ST8SIA6: variants seen among roughly 807,000 people sequenced by gnomAD.
ST8SIA6 encodes alpha-2,8-sialyltransferase 8F.
In ST8SIA6, 39 loss-of-function variants were observed where a neutral mutation model predicts 33.6. That is an observed-to-expected ratio of 1.16 (90% CI 0.90 to 1.52). ST8SIA6 has a LOEUF of 1.52. ST8SIA6 is among the 40% of genes most tolerant of loss of function. The probability of loss-of-function intolerance (pLI) is 0.00; values close to 1 mark genes in which losing one functional copy is unlikely to be tolerated. For missense variants in ST8SIA6, 441 were observed against 443.8 expected, an observed-to-expected ratio of 0.99 and a Z score of 0.06; for synonymous variants, 172 against 167.2, an observed-to-expected ratio of 1.03 and a Z score of -0.22.
chr10:17,362,320 A>T (rs1849416893), intron 3 of ST8SIA6, among the ~76,000 whole-genome samples: 1 of 152,152 alleles, frequency 6.6e-6, no homozygotes, highest in African/African-American at 2.4e-5. Flanking sequence ...ATTGAACATT[A>T]CTCCTCAAAA....
chr10:17,405,884 C>CAA (rs10546412), intron 2 of ST8SIA6, among the ~76,000 whole-genome samples: 3,931 of 85,320 alleles, frequency 0.046, 63 homozygotes, highest in South Asian at 0.082. Flanking sequence ...GACTCCATTT[C>CAA]AAAAAAAAAA....
intron 3 of ST8SIA6, among the ~76,000 whole-genome samples, chr10:17,374,093 A>G (rs940118581): frequency 1.3e-5 from 2 of 150,378 alleles, no homozygotes; most frequent in Admixed American, 6.7e-5. Flanking sequence ...ACACACACAC[A>G]CACACACACA....
intron 2 of ST8SIA6, among the ~76,000 whole-genome samples, chr10:17,398,113 G>T (rs1277970529): frequency 6.6e-6 from 1 of 152,090 alleles, no homozygotes; most frequent in Non-Finnish European, 1.5e-5. Context: ...GATCACCTGA[G>T]GTCAGGAGTT....
chr10:17,368,122 G>A (rs192893150), intron 3 of ST8SIA6, among the ~76,000 whole-genome samples: 14 of 151,280 alleles, frequency 9.3e-5, no homozygotes, highest in African/African-American at 3.2e-4. Flanking sequence ...TCCGCCAGGC[G>A]CAGTGGCTCA....
rs199531697 is a variant in ST8SIA6 at position 17,440,207 on chromosome 10, A to ATTTTTT, written c.200+13346_200+13351dup. On this transcript the variant is annotated intron_variant, in intron 2 of 7. Transcript: ENST00000377602. Reference sequence around the variant, plus strand: ...CTCAACTCAATAGTTTCTCAAATGTATTTTTTTTTTTTTTTTTGAGACAGA... The same window carrying ATTTTTT: ...CTCAACTCAATAGTTTCTCAAATGTATTTTTTTTTTTTTTTTTTTTTTTGAGACAGA... Among the ~76,000 whole-genome samples, 25 of 135,882 alleles carry ATTTTTT rather than the reference A, an allele frequency of 1.8e-4. 1 individual carries two copies. The highest frequency in any genetic ancestry group is 6.9e-4 in the African/African-American group (24 of 34,972). 89.1% of individuals were successfully genotyped at this position (135,882 alleles called of 152,430 possible). A position where few individuals can be genotyped will look rare whatever the true frequency, so the allele number is the denominator to read the frequency against.
intron 2 of ST8SIA6, among the ~76,000 whole-genome samples, chr10:17,435,221 T>C (rs1475663986): frequency 6.6e-6 from 1 of 152,200 alleles, no homozygotes; most frequent in Non-Finnish European, 1.5e-5. Flanking sequence ...CTAGGCCAAA[T>C]TCTATCACTT....
chr10:17,426,998 AG>A (rs1851957658), intron 2 of ST8SIA6, among the ~76,000 whole-genome samples: 1 of 151,624 alleles, frequency 6.6e-6, no homozygotes, highest in Admixed American at 6.6e-5. Flanking sequence ...GCTACTTGGG[AG>A]GTTGAGACAG....
At position 17,437,662 on chromosome 10, in the gene ST8SIA6, C is replaced by CTTCCTTCCTTCCTTCCTTCTTTCT. The variant is rs753255469; in HGVS notation, c.200+15896_200+15897insAGAAAGAAGGAAGGAAGGAAGGAA. On this transcript the variant is annotated intron_variant, in intron 2 of 7. Coordinates refer to ENST00000377602, the MANE Select transcript of ST8SIA6 (RefSeq NM_001004470.3). ...CCTTCCTTCCTTCCTTCCTTCCTTCCTTCTGTCTCTCTTTCTCTTTCTCTT... is the reference window on the plus strand; with the variant it reads ...CCTTCCTTCCTTCCTTCCTTCCTTCCTTCCTTCCTTCCTTCCTTCTTTCTTTCTGTCTCTCTTTCTCTTTCTCTT... 1.2e-3 allele frequency among the ~76,000 whole-genome samples: 128 copies of CTTCCTTCCTTCCTTCCTTCTTTCT among 109,226 alleles called. 1 individual carries two copies. Among genetic ancestry groups the CTTCCTTCCTTCCTTCCTTCTTTCT allele is most frequent in the African/African-American group, 3.8e-3 (107 of 28,498 alleles). The allele number at this position is 109,226 out of a possible 152,430, so 71.7% of individuals were successfully genotyped here.
At position 17,331,521 on chromosome 10, in the gene ST8SIA6, G is replaced by A. The variant is rs1371219452; in HGVS notation, c.409C>T (p.Gln137Ter). The A allele has an allele frequency of 6.2e-7, 1 of 1,612,246 alleles. No homozygotes were observed. The highest frequency in any genetic ancestry group is 1.7e-5 in the Admixed American group (1 of 59,566). Residue 137 changes from glutamine to a stop codon, truncating the protein, a stop_gained, in exon 5 of 8, where the codon CAA becomes TAA. Transcript: ENST00000377602. LOFTEE classifies it high-confidence loss of function. Reference protein sequence around the residue: ...AKLASCCDAVQNFVVSQNNTP... With the variant: ...AKLASCCDAV ...TTATTCTGAGAAACAACAAAGTTTT[G>A]AACAGCATCACAGCAGGAAGCAAGT...
chr10:17,344,720 T>G (rs11596029), intron 4 of ST8SIA6, among the ~76,000 whole-genome samples: 31,050 of 152,138 alleles, frequency 0.2, 3,360 homozygotes, highest in African/African-American at 0.27. Context: ...CCAGCTATAT[T>G]CATAAGAAAG....
At chr10:17,368,476 C>A (rs1414222180) in intron 3 of ST8SIA6, among the ~76,000 whole-genome samples, 2 of 144,958 alleles carry the variant, frequency 1.4e-5, no homozygotes, top group South Asian at 2.2e-4. Flanking sequence ...CGGTTGATAG[C>A]AAACTGAAAT....
intron 6 of ST8SIA6, among the ~76,000 whole-genome samples, chr10:17,324,962 GTATATAATATGTAA>G (rs1287123370): frequency 1.4e-5 from 2 of 141,988 alleles, no homozygotes; most frequent in African/African-American, 2.6e-5. Context: ...CACATAATGT[GTATATAATATGTAA>G]TATATAATAT....
At chr10:17,417,435 G>C (rs1341938273) in intron 2 of ST8SIA6, among the ~76,000 whole-genome samples, 2 of 152,098 alleles carry the variant, frequency 1.3e-5, no homozygotes, top group Non-Finnish European at 2.9e-5. Flanking sequence ...GTTCCTGTTA[G>C]TGCTTCAGGT....
At chr10:17,416,807 T>C (rs897395128) in intron 2 of ST8SIA6, among the ~76,000 whole-genome samples, 6 of 152,194 alleles carry the variant, frequency 3.9e-5, no homozygotes, top group Non-Finnish European at 7.3e-5. Context: ...AAAACTTAAA[T>C]CATACTTGTC....
chr10:17,374,961 G>A (rs1849862392), intron 3 of ST8SIA6, among the ~76,000 whole-genome samples: 1 of 151,456 alleles, frequency 6.6e-6, no homozygotes, highest in African/African-American at 2.4e-5. Context: ...TTTTGAGACA[G>A]GGTCTCACTC....
intron 2 of ST8SIA6, among the ~76,000 whole-genome samples, chr10:17,446,873 G>A (rs1180803287): frequency 6.7e-6 from 1 of 149,900 alleles, no homozygotes; most frequent in Non-Finnish European, 1.5e-5. Context: ...GACTGGCCTG[G>A]TGTCTACCAA....
chr10:17,406,841 C>G (rs1323459254), intron 2 of ST8SIA6, among the ~76,000 whole-genome samples: 1 of 141,796 alleles, frequency 7.1e-6, no homozygotes, highest in Non-Finnish European at 1.5e-5. Flanking sequence ...GTTGCCCAGG[C>G]TGGAGTGCAA....
intron 2 of ST8SIA6, among the ~76,000 whole-genome samples, chr10:17,408,952 T>C (rs1224668297): frequency 1.3e-5 from 2 of 150,938 alleles, no homozygotes; most frequent in East Asian, 3.9e-4. Flanking sequence ...TTTTTTTTTT[T>C]TTGTATTTTT....
intron 4 of ST8SIA6, among the ~76,000 whole-genome samples, chr10:17,348,022 A>G (rs962467673): frequency 1.3e-5 from 2 of 151,874 alleles, no homozygotes; most frequent in African/African-American, 4.8e-5. Flanking sequence ...CAAGTTCTAA[A>G]AATACAAAAT....
Sources: allele counts gnomAD v4.1 joint callset (sites outside exome capture counted in the v4.1 genomes callset), GRCh38; gene constraint gnomAD v4.1.1; transcripts MANE v1.5; gene names NCBI Gene and HGNC (gene_info 2026-07-23, HGNC 2026-07-21).